Variants in POTEC observed in about 807,000 individuals in gnomAD.
POTEC encodes the protein ANKRD26-like family B member 2.
In POTEC, 35 loss-of-function variants were observed where a neutral mutation model predicts 62.0. The observed-to-expected ratio is 0.56, with a 90% CI of 0.43 to 0.75. The LOEUF (loss-of-function observed/expected upper bound fraction) is 0.75, where lower values mean the gene tolerates loss of function less well. Among genes scored for constraint, POTEC ranks in the 30% least tolerant of loss-of-function variants. The pLI is 0.00. For missense variants in POTEC, 472 were observed against 655.9 expected (o/e 0.72, Z 3.06); for synonymous variants, 156 against 221.5 (o/e 0.70, Z 2.62).
In POTEC at chr18:14,508,585, C is replaced by A. The variant is rs1332189625; in HGVS notation, c.*3313G>T. ...GCTCTGTCAGGTCAGTTATTTTCTT[C>A]TTTATACTCACTATTTTGTCTGTTA... On this transcript the variant is annotated 3_prime_UTR_variant, in exon 11 of 11. Transcript: ENST00000358970. 2 of 152,640 alleles carry A rather than the reference C, an allele frequency of 1.3e-5. No homozygotes were observed. The highest frequency in any genetic ancestry group is 3.9e-4 in the East Asian group (2 of 5,194). 9.5% of individuals were successfully genotyped at this position (152,640 alleles called of 1,614,324 possible).
intron 5 of POTEC, 62 bp downstream of exon 5, chr18:14,532,999 A>G (rs1905575997): frequency 3.7e-6 from 6 of 1,600,994 alleles, no homozygotes; most frequent in Non-Finnish European, 5.1e-6. Context: ...GTAAGATGCA[A>G]TTGTTATAAT....
intron 5 of POTEC, among the ~76,000 whole-genome samples, chr18:14,531,463 A>G (rs993209134): frequency 6.6e-6 from 1 of 152,108 alleles, no homozygotes; most frequent in African/African-American, 2.4e-5. Context: ...GAAGCTGCAA[A>G]TTGACATTCT....
rs370724195 is a variant in POTEC at position 14,539,316 on chromosome 18, T to A, written c.522-1067A>T. Among the ~76,000 whole-genome samples, 1,031 of 152,110 alleles carry A rather than the reference T, an allele frequency of 6.8e-3. 8 individuals carry two copies. Among genetic ancestry groups the A allele is most frequent in the South Asian group, 0.039 (189 of 4,802 alleles). On this transcript the variant is annotated intron_variant, in intron 1 of 10. Transcript: ENST00000358970. ...GGATACAGGTGCAGGATGTGCAGGTTGGTTAACATAGGTAAACGTGTGCCA... is the reference window on the plus strand; with the variant it reads ...GGATACAGGTGCAGGATGTGCAGGTAGGTTAACATAGGTAAACGTGTGCCA...
At chr18:14,514,698 C>A (rs1330578272) in intron 9 of POTEC, among the ~76,000 whole-genome samples, 1 of 123,206 alleles carries the variant, frequency 8.1e-6, no homozygotes, top group Non-Finnish European at 1.6e-5. Flanking sequence ...AACTGGGAAG[C>A]CCTAAGGCAG....
chr18:14,528,938 C>A (rs1335039574), intron 6 of POTEC: 5 of 454,414 alleles, frequency 1.1e-5, no homozygotes, highest in African/African-American at 1.0e-4. Flanking sequence ...GCGTTTTGCA[C>A]TTGCTGCTCT....
Position 14,531,626 on chromosome 18 carries a change from T to C in POTEC, c.1056-1073A>G, listed in dbSNP as rs1227463660. On this transcript the variant is annotated intron_variant, in intron 5 of 10. Transcript: ENST00000358970. ...ACCCATTTTGCTTTGATTCACACTG[T>C]TTCCTTAGAGCTAGTCAGCAAATAG... The C allele has an allele frequency of 3.3e-5, 5 of 152,048 alleles. No homozygotes were observed. In the East Asian group the frequency reaches 9.9e-4, roughly 30 times the overall value. 9.4% of individuals were successfully genotyped at this position (152,048 alleles called of 1,614,324 possible).
intron 5 of POTEC, among the ~76,000 whole-genome samples, chr18:14,531,341 C>T (rs2143148513): frequency 6.6e-6 from 1 of 150,954 alleles, no homozygotes; most frequent in East Asian, 2.0e-4. Context: ...TCTCTATAGA[C>T]TCAAACTCTG....
At chr18:14,522,524 A>G in intron 8 of POTEC, 104 bp from the exon 9 acceptor site, 1 of 1,524,318 alleles carries the variant, frequency 6.6e-7, no homozygotes. Flanking sequence ...TATTTTAGTC[A>G]TTAAAAATAT....
At chr18:14,540,309 T>G (rs1361276311) in intron 1 of POTEC, among the ~76,000 whole-genome samples, 1 of 152,214 alleles carries the variant, frequency 6.6e-6, no homozygotes, top group African/African-American at 2.4e-5. Flanking sequence ...ATTCCTTCTC[T>G]TCCCAAGTAT....
At chr18:14,518,645 TA>T (rs1910230203) in intron 9 of POTEC, among the ~76,000 whole-genome samples, 1 of 143,294 alleles carries the variant, frequency 7.0e-6, no homozygotes, top group Admixed American at 7.1e-5. Flanking sequence ...GGTTGTTCCT[TA>T]ATGTGTTTCT....
At chr18:14,520,206 G>A (rs922663505) in intron 9 of POTEC, among the ~76,000 whole-genome samples, 4 of 152,078 alleles carry the variant, frequency 2.6e-5, no homozygotes, top group East Asian at 3.9e-4. Flanking sequence ...TACATAACAG[G>A]TGTAGTTTTC....
Position 14,537,826 on chromosome 18 carries a change from C to G in POTEC, c.785G>C (p.Gly262Ala). 1 of 1,611,642 alleles carries G rather than the reference C, an allele frequency of 6.2e-7. No homozygotes were observed. The highest frequency in any genetic ancestry group is 8.5e-7 in the Non-Finnish European group (1 of 1,179,534). The change falls in exon 3 of 11, where the codon GGT becomes GCT. Residue 262 changes from glycine (G) to alanine (A), a missense_variant. By Grantham distance (60) the Gly-to-Ala change is moderately conservative (BLOSUM62 0). Around this residue, in one of 5 missense-constraint regions of POTEC, gnomAD observed 52 missense variants for 54.2 expected, o/e 0.96. Transcript: ENST00000358970. ...CTTGTTTTTTGATTCAATATCAGCA[C>G]CATATAAGAGCAGTGCTTTGGCCAT... ...KLMAKALLLYGADIESKNKCG... is the reference protein window; with the variant it reads ...KLMAKALLLYAADIESKNKCG...
intron 9 of POTEC, among the ~76,000 whole-genome samples, chr18:14,515,860 C>T (rs1050928789): frequency 4.0e-5 from 6 of 151,482 alleles, no homozygotes; most frequent in Non-Finnish European, 8.8e-5. Flanking sequence ...AAAAAGTGGG[C>T]ACATGACATG....
At chr18:14,533,855 A>T (rs1190987167) in intron 4 of POTEC, among the ~76,000 whole-genome samples, 4 of 150,124 alleles carry the variant, frequency 2.7e-5, no homozygotes, top group Non-Finnish European at 5.9e-5. Context: ...GTGAATCCAA[A>T]GCCTAGCTCT....
At chr18:14,535,246 T>C (rs1305884718) in intron 3 of POTEC, among the ~76,000 whole-genome samples, 4 of 147,344 alleles carry the variant, frequency 2.7e-5, no homozygotes, top group Non-Finnish European at 4.5e-5. Flanking sequence ...TTTCCAAGAC[T>C]CTTTGTTTCT....
Position 14,508,866 on chromosome 18 carries a change from C to T in POTEC, c.*3032G>A, listed in dbSNP as rs555454634. ...TTCTCATCTTTATGGGCTTATCCAT[C>T]TTCAATCTTTGAGGTTGCTGACCTT... is the stretch of plus-strand genomic sequence containing the variant. On this transcript the variant is annotated 3_prime_UTR_variant, in exon 11 of 11. Transcript: ENST00000358970. The T allele has an allele frequency of 6.6e-6, 1 of 152,370 alleles. No individual in the cohort carries two copies. Among genetic ancestry groups the T allele is most frequent in the Admixed American group, 6.5e-5 (1 of 15,302 alleles). 9.4% of individuals were successfully genotyped at this position (152,370 alleles called of 1,614,324 possible).
In POTEC at chr18:14,533,086, ACT is replaced by A. The variant is rs1483950577; in HGVS notation, c.1028_1029del (p.Glu343ValfsTer5). The A allele has an allele frequency of 6.2e-7, 1 of 1,610,700 alleles. No individual in the cohort carries two copies. Among genetic ancestry groups the A allele is most frequent in the Non-Finnish European group, 8.5e-7 (1 of 1,179,370 alleles). On this transcript the variant is annotated frameshift_variant, in exon 5 of 11. Transcript: ENST00000358970. LOFTEE classifies it high-confidence loss of function. ...ACATGATGATGACTAGAAACAGCAT[ACT>A]CTCTGGCCGTCTGTCCAGATAGATC... ...SQDLSGQTAR[E>X]YAVSSHHHVI...
At chr18:14,533,345 G>A (rs1051067694) in intron 4 of POTEC, 147 bp from the exon 5 acceptor site, 2 of 1,463,966 alleles carry the variant, frequency 1.4e-6, no homozygotes, top group African/African-American at 2.8e-5. Flanking sequence ...CATCTTGGGT[G>A]CTCAAGAGTT....
At chr18:14,514,495 C>T (rs532122714) in intron 9 of POTEC, among the ~76,000 whole-genome samples, 1 of 152,300 alleles carries the variant, frequency 6.6e-6, no homozygotes, top group African/African-American at 2.4e-5. Context: ...GAAACAGTTT[C>T]CACTTATATT....
Sources: gnomAD v4.1 joint callset for allele counts (sites outside exome capture counted in the v4.1 genomes callset) on GRCh38, gnomAD v4.1.1 for gene constraint, gnomAD v4.1.1 regional missense constraint, MANE v1.5 for transcripts, NCBI Gene and HGNC (gene_info 2026-07-23, HGNC 2026-07-21) for gene names.